The following MYH13 variants were observed in gnomAD, a reference collection of about 807,000 sequenced individuals.
MYH13 encodes myosin-13.
A neutral mutation model predicts 232.1 loss-of-function variants in MYH13; 177 were observed. The observed-to-expected ratio is 0.76, with a 90% CI of 0.67 to 0.86. The LOEUF is 0.86. Ranked by LOEUF, MYH13 falls within the 40% of genes least tolerant of loss-of-function variation. The probability of loss-of-function intolerance (pLI) is 0.00; values close to 1 mark genes in which losing one functional copy is unlikely to be tolerated. For missense variants in MYH13, 2,246 were observed against 2,405.9 expected, an observed-to-expected ratio of 0.93 and a Z score of 1.39; for synonymous variants, 884 against 923.5, an observed-to-expected ratio of 0.96 and a Z score of 0.78.
At chr17:10,368,730 C>A (rs1382312306) in intron 2 of MYH13, among the ~76,000 whole-genome samples, 1 of 152,184 alleles carries the variant, frequency 6.6e-6, no homozygotes, top group East Asian at 1.9e-4. Context: ...CTAAAAAGTT[C>A]TTGGGACTCT....
In MYH13 at chr17:10,320,253, G is replaced by C. The variant is rs780024042; in HGVS notation, c.3258-10C>G. 1.0e-5 allele frequency: 16 copies of C among 1,592,476 alleles called. No homozygotes were observed. The highest frequency in any genetic ancestry group is 1.4e-5 in the Non-Finnish European group (16 of 1,170,458). On this transcript the variant is annotated splice_polypyrimidine_tract_variant and intron_variant, in intron 25 of 40. Coordinates refer to ENST00000252172, the MANE Select transcript of MYH13 (RefSeq NM_003802.3). ...GAGTTCAAACTCCTTCCTGCAAATA[G>C]ATTAAAAAAAAATAAAGAACATGAA...
At chr17:10,309,855 A>G (rs774625284) in intron 33 of MYH13, 25 bp from the exon 34 acceptor site, 4 of 1,528,928 alleles carry the variant, frequency 2.6e-6, no homozygotes, top group Non-Finnish European at 3.5e-6. Context: ...GGAGTGATTG[A>G]GAGTGCCGTG....
In MYH13 at chr17:10,344,004, T is replaced by C; in HGVS notation, c.1690A>G (p.Asn564Asp). 6.2e-7 allele frequency: 1 copy of C among 1,614,170 alleles called. No individual in the cohort carries two copies. Among genetic ancestry groups the C allele is most frequent in the Non-Finnish European group, 8.5e-7 (1 of 1,180,032 alleles). ...TTGGCAGGCTTGGGCTTCTGGAAGT[T>C]GTTGGATTTTCCAAGATGCTGGTCA... ...LYDQHLGKSN[N>D]FQKPKPAKGK... The change falls in exon 16 of 41, where the codon AAC (asparagine) becomes GAC (aspartate). Residue 564 changes from asparagine (N) to aspartate (D), a missense_variant. By Grantham distance (23) the Asn-to-Asp change is conservative. Coordinates refer to ENST00000252172, the MANE Select transcript of MYH13 (RefSeq NM_003802.3).
chr17:10,304,541 G>T lies in MYH13; in HGVS notation c.5467-1043C>A, dbSNP rs1458876909. 3.3e-5 allele frequency among the ~76,000 whole-genome samples: 5 copies of T among 152,314 alleles called. No homozygotes were observed. Among genetic ancestry groups the T allele is most frequent in the Non-Finnish European group, 2.9e-5 (2 of 68,028 alleles). ...CCAACTGTTCATTGAACTTACAGCA[G>T]ATCAAGTAACTTGAACTTACAGATC... On this transcript the variant is annotated intron_variant, in intron 37 of 40. Transcript: ENST00000252172. This position sits in a 1 kb window ranked among gnomAD's most constrained non-coding sequence, Gnocchi z 5.3.
intron 3 of MYH13, 66 bp downstream of exon 3, chr17:10,364,261 A>G (rs2071815413): frequency 6.8e-7 from 1 of 1,477,944 alleles, no homozygotes; most frequent in South Asian, 1.2e-5. Flanking sequence ...TGCAATTTCT[A>G]ATATTCTACT....
chr17:10,362,459 G>A lies in MYH13; in HGVS notation c.249C>T (p.Pro83=). 1 of 1,614,162 alleles carries A rather than the reference G, an allele frequency of 6.2e-7. No individual in the cohort carries two copies. Among genetic ancestry groups the A allele is most frequent in the Non-Finnish European group, 8.5e-7 (1 of 1,180,034 alleles). The change falls in exon 4 of 41, where the codon CCC becomes CCT. Residue 83 remains proline, a synonymous_variant. Coordinates refer to ENST00000252172, the MANE Select transcript of MYH13 (RefSeq NM_003802.3). ...NNDQVFPMNP[P]KFDKIEDMAM... is the part of the protein sequence containing the mutation. Reference sequence around the variant, plus strand: ...CCATGTCCTCGATCTTGTCAAATTTGGGAGGGTTCATGGGGAAGACCTGGT... The same window carrying A: ...CCATGTCCTCGATCTTGTCAAATTTAGGAGGGTTCATGGGGAAGACCTGGT...
At chr17:10,310,621 C>T (rs1386207224) in intron 33 of MYH13, among the ~76,000 whole-genome samples, 1 of 152,014 alleles carries the variant, frequency 6.6e-6, no homozygotes, top group East Asian at 1.9e-4. Flanking sequence ...CAGGAGTCAA[C>T]CTATTCTCTA....
intron 18 of MYH13, 71 bp downstream of exon 18, chr17:10,340,079 C>T: frequency 7.5e-7 from 1 of 1,335,384 alleles, no homozygotes; most frequent in Non-Finnish European, 1.1e-6. Context: ...AACGCACACC[C>T]ACAGAATTTT....
rs750780303 is a variant in MYH13 at position 10,345,478 on chromosome 17, C to A, written c.1402G>T (p.Glu468Ter). The change falls in exon 14 of 41, where the codon GAG becomes TAG. Residue 468 changes from glutamate (E) to a stop codon, truncating the protein, a stop_gained. Transcript: ENST00000252172. LOFTEE classifies it high-confidence loss of function. The stretch of plus-strand genomic sequence containing the variant: ...AGGTCACAACTCACATCAAAGATCT[C>A]AAAGCCAGCAATGTCCAAGACCCCG... The part of the protein sequence containing the change: ...FIGVLDIAGF[E>*]IFDFNSLEQL... 3.1e-6 allele frequency: 5 copies of A among 1,614,184 alleles called. No homozygotes were observed. Among genetic ancestry groups the A allele is most frequent in the Non-Finnish European group, 1.7e-6 (2 of 1,180,032 alleles).
intron 18 of MYH13, among the ~76,000 whole-genome samples, chr17:10,337,436 G>A (rs11078842): frequency 0.77 from 117,164 of 151,576 alleles, 45,652 homozygotes; most frequent in East Asian, 0.9. Context: ...ACCTGTGCCC[G>A]TGAAGTCCTA....
intron 13 of MYH13, among the ~76,000 whole-genome samples, 160 bp from the exon 14 acceptor site, chr17:10,345,776 C>T (rs554288193): frequency 4.5e-4 from 68 of 152,054 alleles, no homozygotes; most frequent in African/African-American, 1.2e-3. Context: ...GGGCGGATCA[C>T]GAGGTCAGGA....
intron 3 of MYH13, among the ~76,000 whole-genome samples, chr17:10,363,781 G>T (rs1051015426): frequency 5.3e-5 from 8 of 152,170 alleles, no homozygotes; most frequent in African/African-American, 1.7e-4. Context: ...TAAAAGCAAG[G>T]TCTCTCTCAT....
At chr17:10,354,629 C>A (rs943930373) in intron 11 of MYH13, 51 bp downstream of exon 11, 37 of 1,531,208 alleles carry the variant, frequency 2.4e-5, no homozygotes, top group Non-Finnish European at 3.1e-5. Context: ...TCTCTCAGTT[C>A]ATAAACTCAA....
At position 10,309,762 on chromosome 17, in the gene MYH13, C is replaced by T; in HGVS notation, c.4725G>A (p.Glu1575=). The stretch of plus-strand genomic sequence containing the variant: ...CCTTCTCAATGACCTTGCGGTCTAG[C>T]TCGGATTTCACCTGGCTCAGCTCTA... ...VQLELSQVKS[E]LDRKVIEKDE... Residue 1575 remains glutamate (E), a synonymous_variant, in exon 34 of 41, where the codon GAG becomes GAA. Coordinates refer to ENST00000252172, the MANE Select transcript of MYH13 (RefSeq NM_003802.3). The T allele has an allele frequency of 6.2e-7, 1 of 1,601,346 alleles. No individual in the cohort carries two copies. Among genetic ancestry groups the T allele is most frequent in the South Asian group, 1.1e-5 (1 of 88,524 alleles).
chr17:10,313,318 G>C lies in MYH13; in HGVS notation c.4021C>G (p.Arg1341Gly). 2 of 1,614,278 alleles carry C rather than the reference G, an allele frequency of 1.2e-6. No homozygotes were observed. Among genetic ancestry groups the C allele is most frequent in the South Asian group, 1.1e-5 (1 of 91,092 alleles). The change falls in exon 30 of 41, where the codon CGC becomes GGC. Residue 1341 changes from arginine to glycine, a missense_variant. Transcript: ENST00000252172. The stretch of plus-strand genomic sequence containing the variant: ...TCCCGCAGCAGGTCACAGTCGTGGC[G>C]GGAGGACTGCAGGGCGTGCGCCATG... ...NAMAHALQSS[R>G]HDCDLLREQY...
intron 22 of MYH13, 43 bp downstream of exon 22, chr17:10,327,823 C>T (rs780438222): frequency 6.3e-7 from 1 of 1,593,352 alleles, no homozygotes; most frequent in Non-Finnish European, 8.5e-7. Context: ...CTTTTCTGTC[C>T]TCCAGAGTCT....
chr17:10,325,847 T>C (rs1349389900), intron 22 of MYH13, among the ~76,000 whole-genome samples: 2 of 152,096 alleles, frequency 1.3e-5, no homozygotes, highest in Admixed American at 1.3e-4. Flanking sequence ...CAGCTAATTT[T>C]TGTATTTTTA....
chr17:10,359,983 C>T lies in MYH13; in HGVS notation c.622G>A (p.Glu208Lys), dbSNP rs752910620. ...TIAVTGDKKK[E>K]TQPGKMQGTL... ...ACCTGCATTTTGCCTGGCTGTGTCT[C>T]CTTCTTCTTGTCCCCGGTAACTGCA... Residue 208 changes from glutamate to lysine, a missense_variant, in exon 7 of 41, where the codon GAG becomes AAG. Transcript: ENST00000252172. 35 of 1,613,910 alleles carry T rather than the reference C, an allele frequency of 2.2e-5. No individual in the cohort carries two copies. The South Asian group carries it at 3.4e-4, about 16-fold the overall frequency.
chr17:10,309,528 C>T lies in MYH13; in HGVS notation c.4959G>A (p.Gln1653=), dbSNP rs1906424890. 5 of 1,605,392 alleles carry T rather than the reference C, an allele frequency of 3.1e-6. No homozygotes were observed. Among genetic ancestry groups the T allele is most frequent in the Non-Finnish European group, 4.3e-6 (5 of 1,175,114 alleles). Reference sequence around the variant, plus strand: ...AGGCGGCCACCGTGCTCACCTTGAGCTGGCCCTGGACCGTGCGCAGATGCT... The same window carrying T: ...AGGCGGCCACCGTGCTCACCTTGAGTTGGCCCTGGACCGTGCGCAGATGCT... The part of the protein sequence containing the change: ...TQKHLRTVQG[Q]LKDSQLHLDD... The change falls in exon 34 of 41, where the codon CAG becomes CAA. Residue 1653 remains glutamine, a synonymous_variant. Coordinates refer to ENST00000252172, the MANE Select transcript of MYH13 (RefSeq NM_003802.3).
Sources: gnomAD v4.1 joint callset for allele counts (sites outside exome capture counted in the v4.1 genomes callset) on GRCh38, gnomAD v4.1.1 for gene constraint, Gnocchi (gnomAD v3.1) non-coding constraint, MANE v1.5 for transcripts, NCBI Gene and HGNC (gene_info 2026-07-23, HGNC 2026-07-21) for gene names.